Variants in KCNQ5 observed in about 807,000 individuals in gnomAD.
The protein encoded by KCNQ5 is potassium voltage-gated channel subfamily KQT member 5.
In KCNQ5, 30 loss-of-function variants were observed where a neutral mutation model predicts 98.2. That is an observed-to-expected ratio of 0.31 (90% CI 0.23 to 0.41). KCNQ5 has a LOEUF of 0.41. Among genes scored for constraint, KCNQ5 ranks in the 10% least tolerant of loss-of-function variants. The pLI, the probability that KCNQ5 is intolerant of heterozygous loss-of-function variation, is 1.00. For missense variants in KCNQ5, 835 were observed against 1,182.5 expected, an observed-to-expected ratio of 0.71 and a Z score of 4.31; for synonymous variants, 458 against 449.4, an observed-to-expected ratio of 1.02 and a Z score of -0.24.
chr6:73,086,290 A>G (rs2150399887), intron 5 of KCNQ5, among the ~76,000 whole-genome samples: 1 of 152,108 alleles, frequency 6.6e-6, no homozygotes, highest in East Asian at 1.9e-4. Flanking sequence ...CTCCTTGTCT[A>G]TAATTGAAAG....
chr6:72,882,132 C>A (rs534386930), intron 1 of KCNQ5, among the ~76,000 whole-genome samples: 6 of 152,284 alleles, frequency 3.9e-5, no homozygotes, highest in Non-Finnish European at 8.8e-5. Flanking sequence ...CTTGCCCATG[C>A]ACTTGATTTT....
chr6:72,882,772 A>G (rs1384628816), intron 1 of KCNQ5, among the ~76,000 whole-genome samples: 1 of 152,138 alleles, frequency 6.6e-6, no homozygotes, highest in African/African-American at 2.4e-5. Context: ...CATCATATAC[A>G]TTCTAGGAAC....
chr6:72,679,695 C>T (rs1254258096), intron 1 of KCNQ5, among the ~76,000 whole-genome samples: 1 of 151,780 alleles, frequency 6.6e-6, no homozygotes, highest in Non-Finnish European at 1.5e-5. Flanking sequence ...GCACATTGTA[C>T]ACATGCACCC....
chr6:72,801,723 G>A (rs908599653), intron 1 of KCNQ5, among the ~76,000 whole-genome samples: 1 of 152,010 alleles, frequency 6.6e-6, no homozygotes, highest in African/African-American at 2.4e-5. Flanking sequence ...TCCTAGCCTC[G>A]ATGGTCTTTA....
intron 1 of KCNQ5, among the ~76,000 whole-genome samples, chr6:72,996,860 A>G (rs1769325441): frequency 6.6e-6 from 1 of 152,202 alleles, no homozygotes; most frequent in South Asian, 2.1e-4. Context: ...ATAATTTCAT[A>G]TACAAAGTAG....
intron 1 of KCNQ5, among the ~76,000 whole-genome samples, chr6:72,981,202 T>C (rs1768426858): frequency 6.6e-6 from 1 of 152,224 alleles, no homozygotes; most frequent in African/African-American, 2.4e-5. Context: ...TCCCTCTTTT[T>C]CTATTGATTG....
chr6:72,631,976 T>C (rs565188468), intron 1 of KCNQ5, among the ~76,000 whole-genome samples: 47 of 152,192 alleles, frequency 3.1e-4, no homozygotes, highest in Non-Finnish European at 5.9e-4. Context: ...AATACCAAAG[T>C]AGGGGGAGGT....
intron 1 of KCNQ5, among the ~76,000 whole-genome samples, chr6:72,710,004 A>C (rs1292080885): frequency 6.6e-6 from 1 of 152,138 alleles, no homozygotes; most frequent in Admixed American, 6.5e-5. Flanking sequence ...GGCACAGAAA[A>C]TTTGAGGGGT....
intron 1 of KCNQ5, chr6:72,986,963 C>A: frequency 1.2e-6 from 1 of 804,006 alleles, no homozygotes; most frequent in Non-Finnish European, 2.1e-6. Context: ...AGAAGAGCCC[C>A]AGGGAGCACA....
At chr6:73,057,026 C>T (rs1772539118) in intron 3 of KCNQ5, among the ~76,000 whole-genome samples, 1 of 152,042 alleles carries the variant, frequency 6.6e-6, no homozygotes, top group African/African-American at 2.4e-5. Context: ...GACACATGCA[C>T]ATGTATGTTT....
At position 72,740,140 on chromosome 6, in the gene KCNQ5, T is replaced by C. The variant is rs1040512412; in HGVS notation, c.398+117553T>C. Among the ~76,000 whole-genome samples, 4 of 152,340 alleles carry C rather than the reference T, an allele frequency of 2.6e-5. No homozygotes were observed. In the South Asian group the frequency reaches 6.2e-4, roughly 24 times the overall value. ...TCTCAATAAGTTTCAGTGTCTTCCC[T>C]GGATAGTGACATTGCAGAGAGCTAC... On this transcript the variant is annotated intron_variant, in intron 1 of 13. Transcript: ENST00000370398.
At chr6:73,083,606 C>A (rs1341806702) in intron 5 of KCNQ5, among the ~76,000 whole-genome samples, 1 of 152,188 alleles carries the variant, frequency 6.6e-6, no homozygotes, top group Non-Finnish European at 1.5e-5. Context: ...AAGAATATTA[C>A]ATTTATGTGC....
intron 1 of KCNQ5, among the ~76,000 whole-genome samples, chr6:72,760,343 C>T (rs184990422): frequency 4.7e-5 from 7 of 148,742 alleles, no homozygotes; most frequent in African/African-American, 1.5e-4. Context: ...AAAAGACAGG[C>T]TTGTCAGCAC....
At chr6:72,982,028 T>C (rs892986169) in intron 1 of KCNQ5, among the ~76,000 whole-genome samples, 5 of 152,214 alleles carry the variant, frequency 3.3e-5, no homozygotes, top group African/African-American at 1.2e-4. Flanking sequence ...GACAGTTTGT[T>C]GTGATTTCTG....
chr6:72,832,820 T>C (rs927889569), intron 1 of KCNQ5, among the ~76,000 whole-genome samples: 3 of 152,168 alleles, frequency 2.0e-5, no homozygotes, highest in African/African-American at 7.2e-5. Context: ...TGAACACATA[T>C]ATGGTAAAAG....
In KCNQ5 at chr6:72,622,206, C is replaced by A; in HGVS notation, c.17C>A (p.Ala6Glu). 8.1e-7 allele frequency: 1 copy of A among 1,227,836 alleles called. No homozygotes were observed. Among genetic ancestry groups the A allele is most frequent in the Non-Finnish European group, 1.0e-6 (1 of 985,844 alleles). 76.1% of individuals were successfully genotyped at this position (1,227,836 alleles called of 1,614,324 possible). ...GGTGATGCCATGCCCCGCCACCACGCGGGAGGAGAGGAGGGCGGCGCCGCC... is the reference window on the plus strand; with the variant it reads ...GGTGATGCCATGCCCCGCCACCACGAGGGAGGAGAGGAGGGCGGCGCCGCC... Reference protein sequence around the residue: MPRHHAGGEEGGAAGL... With the variant: MPRHHEGGEEGGAAGL... The change falls in exon 1 of 14, where the codon GCG (alanine) becomes GAG (glutamate). Residue 6 changes from alanine (A) to glutamate (E), a missense_variant. By Grantham distance (107) the Ala-to-Glu change is moderately radical (BLOSUM62 -1). This residue lies in a region of KCNQ5 where 80 missense variants were observed against 72.3 expected (regional missense o/e 1.11). Transcript: ENST00000370398. This position sits in a 1 kb window ranked among gnomAD's most constrained non-coding sequence, Gnocchi z 6.0.
chr6:72,994,209 C>T (rs1440161979), intron 1 of KCNQ5, among the ~76,000 whole-genome samples: 2 of 87,662 alleles, frequency 2.3e-5, no homozygotes, highest in Non-Finnish European at 2.1e-5. Context: ...TGCCCGGCTG[C>T]TTTGTTTACC....
intron 1 of KCNQ5, among the ~76,000 whole-genome samples, chr6:72,673,142 AC>A (rs1193909051): frequency 6.6e-6 from 1 of 152,090 alleles, no homozygotes; most frequent in East Asian, 1.9e-4. Flanking sequence ...GGGATAGCTA[AC>A]CTCCAGTCTT....
intron 2 of KCNQ5, among the ~76,000 whole-genome samples, chr6:73,014,827 T>C (rs1290340243): frequency 2.6e-5 from 4 of 152,130 alleles, no homozygotes; most frequent in Non-Finnish European, 4.4e-5. Context: ...TTAATTGCTA[T>C]ATAAATATTC....
Sources: allele counts gnomAD v4.1 joint callset (sites outside exome capture counted in the v4.1 genomes callset), GRCh38; gene constraint gnomAD v4.1.1; regional missense constraint gnomAD v4.1.1; non-coding constraint Gnocchi (gnomAD v3.1); transcripts MANE v1.5; gene names NCBI Gene and HGNC (gene_info 2026-07-23, HGNC 2026-07-21).